RBFOX1: variants seen among roughly 807,000 people sequenced by gnomAD.
RBFOX1 encodes RNA binding fox-1 homolog 1.
A neutral mutation model predicts 57.7 loss-of-function variants in RBFOX1; 8 were observed. The ratio of observed to expected loss-of-function variants is 0.14; its 90% CI spans 0.08 to 0.25. RBFOX1 has a LOEUF of 0.25. RBFOX1 is among the 10% of genes least tolerant of loss of function. The pLI is 1.00. For missense variants in RBFOX1, 611 were observed against 548.5 expected (o/e 1.11, Z -1.14); for synonymous variants, 326 against 222.4 (o/e 1.47, Z -4.15).
intron 4 of RBFOX1, among the ~76,000 whole-genome samples, chr16:7,119,459 G>A (rs1227917882): frequency 6.6e-6 from 1 of 152,024 alleles, no homozygotes; most frequent in African/African-American, 2.4e-5. Flanking sequence ...ACTGACCACT[G>A]ACAATTCAAA....
intron 3 of RBFOX1, among the ~76,000 whole-genome samples, chr16:5,649,704 C>G (rs1029358133): frequency 1.3e-5 from 2 of 152,166 alleles, no homozygotes; most frequent in African/African-American, 4.8e-5. Context: ...GCACAAAGTA[C>G]TGCATGAATT....
At chr16:7,306,464 G>A (rs2096189069) in intron 4 of RBFOX1, among the ~76,000 whole-genome samples, 1 of 152,142 alleles carries the variant, frequency 6.6e-6, no homozygotes, top group Non-Finnish European at 1.5e-5. Context: ...GATAGATGGA[G>A]GGTGGATTTT....
At chr16:6,297,477 T>G (rs2078261079) in intron 1 of RBFOX1, among the ~76,000 whole-genome samples, 1 of 152,044 alleles carries the variant, frequency 6.6e-6, no homozygotes, top group African/African-American at 2.4e-5. Context: ...CCTTGGGCAT[T>G]TTATAAAATG....
At chr16:5,674,976 G>A (rs192348395) in intron 3 of RBFOX1, among the ~76,000 whole-genome samples, 2 of 152,084 alleles carry the variant, frequency 1.3e-5, no homozygotes, top group African/African-American at 4.8e-5. Flanking sequence ...GCAAAACCGC[G>A]TCTCTCCGAA....
At chr16:7,242,258 C>G (rs536993644) in intron 4 of RBFOX1, among the ~76,000 whole-genome samples, 2 of 152,102 alleles carry the variant, frequency 1.3e-5, no homozygotes, top group African/African-American at 4.8e-5. Flanking sequence ...ACTGAAAATT[C>G]AGAGACAGGG....
chr16:6,188,658 G>A (rs1279576158), intron 1 of RBFOX1, among the ~76,000 whole-genome samples: 5 of 152,118 alleles, frequency 3.3e-5, no homozygotes, highest in Non-Finnish European at 7.4e-5. Flanking sequence ...AAATTAAAAA[G>A]TATAAAGCTG....
chr16:7,692,044 C>G (rs1390225811), intron 14 of RBFOX1, among the ~76,000 whole-genome samples: 1 of 152,170 alleles, frequency 6.6e-6, no homozygotes, highest in East Asian at 1.9e-4. Flanking sequence ...CAAAATATCT[C>G]CTTTGTTTTC....
intron 4 of RBFOX1, among the ~76,000 whole-genome samples, chr16:5,986,689 T>A (rs777602672): frequency 3.9e-5 from 6 of 152,210 alleles, no homozygotes; most frequent in Non-Finnish European, 7.3e-5. Context: ...CCCTGAAGAT[T>A]CCCCCAAGTT....
chr16:7,153,811 A>G (rs569536569), intron 4 of RBFOX1, among the ~76,000 whole-genome samples: 6 of 152,074 alleles, frequency 3.9e-5, no homozygotes, highest in African/African-American at 1.4e-4. Flanking sequence ...ATGAGGGGGA[A>G]AAGTACCATG....
chr16:5,524,383 G>C (rs1053588006), intron 2 of RBFOX1, among the ~76,000 whole-genome samples: 1 of 152,102 alleles, frequency 6.6e-6, no homozygotes, highest in Non-Finnish European at 1.5e-5. Context: ...AATTCTTTTG[G>C]GAGGGCAAGC....
At chr16:6,932,052 G>T (rs750650844) in intron 3 of RBFOX1, among the ~76,000 whole-genome samples, 8 of 152,058 alleles carry the variant, frequency 5.3e-5, no homozygotes, top group Non-Finnish European at 7.4e-5. Flanking sequence ...CCATTCTTGA[G>T]GGCAGAGCCT....
At chr16:6,043,595 T>G (rs1330070943) in intron 1 of RBFOX1, among the ~76,000 whole-genome samples, 1 of 152,200 alleles carries the variant, frequency 6.6e-6, no homozygotes, top group African/African-American at 2.4e-5. Context: ...CTGACCTCCC[T>G]TTTGGCGATG....
At chr16:6,859,759 T>G (rs963400336) in intron 3 of RBFOX1, among the ~76,000 whole-genome samples, 3 of 152,186 alleles carry the variant, frequency 2.0e-5, no homozygotes, top group Non-Finnish European at 4.4e-5. Flanking sequence ...GCAGACATGT[T>G]AATATGAAGT....
intron 1 of RBFOX1, among the ~76,000 whole-genome samples, chr16:5,465,128 A>G (rs989809321): frequency 6.6e-6 from 1 of 152,174 alleles, no homozygotes; most frequent in Non-Finnish European, 1.5e-5. Context: ...TGGCTTAAAC[A>G]GCAAATTTAT....
At chr16:7,695,408 C>G (rs1288638155) in intron 14 of RBFOX1, among the ~76,000 whole-genome samples, 1 of 151,910 alleles carries the variant, frequency 6.6e-6, no homozygotes, top group Admixed American at 6.6e-5. Context: ...AAAAAACCTG[C>G]TTTGGGAGGC....
chr16:5,517,192 G>A (rs1052635949), intron 2 of RBFOX1, among the ~76,000 whole-genome samples: 2 of 152,064 alleles, frequency 1.3e-5, no homozygotes, highest in African/African-American at 4.8e-5. Flanking sequence ...AAGTCAAAGG[G>A]GTTTGTTGAA....
chr16:5,273,304 C>T (rs1435675644), intron 1 of RBFOX1, among the ~76,000 whole-genome samples: 2 of 151,972 alleles, frequency 1.3e-5, no homozygotes, highest in Non-Finnish European at 2.9e-5. Flanking sequence ...TCAAGAGTCC[C>T]ATTATACAGA....
chr16:6,984,798 A>C (rs939832325), intron 3 of RBFOX1, among the ~76,000 whole-genome samples: 4 of 152,002 alleles, frequency 2.6e-5, no homozygotes, highest in African/African-American at 9.7e-5. Flanking sequence ...ATGCCACCAC[A>C]CCTGGCTAAT....
chr16:6,759,404 G>C (rs1170788781), intron 3 of RBFOX1, among the ~76,000 whole-genome samples: 4 of 151,776 alleles, frequency 2.6e-5, no homozygotes, highest in African/African-American at 9.7e-5. Context: ...GCCTGCCTCA[G>C]CCTCCCATAG....
Sources: gnomAD v4.1 joint callset for allele counts (sites outside exome capture counted in the v4.1 genomes callset) on GRCh38, gnomAD v4.1.1 for gene constraint, MANE v1.5 for transcripts, NCBI Gene and HGNC (gene_info 2026-07-23, HGNC 2026-07-21) for gene names.